The following LGI1 variants were observed in gnomAD, a reference collection of about 807,000 sequenced individuals.
LGI1 encodes the protein leucine rich glioma inactivated 1.
Under a neutral mutation model 57.7 loss-of-function variants are expected in LGI1, and 11 were observed. The observed-to-expected ratio is 0.19, with a 90% CI of 0.12 to 0.32. LGI1 has a LOEUF of 0.32. LGI1 is among the 10% of genes least tolerant of loss of function. The pLI, the probability that LGI1 is intolerant of heterozygous loss-of-function variation, is 1.00. For synonymous variants in LGI1, 222 were observed against 241.9 expected (o/e 0.92, Z 0.76); for missense variants, 422 against 661.9 (o/e 0.64, Z 3.98).
chr10:93,759,545 A>G (rs2059602243), intron 2 of LGI1, among the ~76,000 whole-genome samples: 5 of 152,166 alleles, frequency 3.3e-5, no homozygotes, highest in Admixed American at 2.6e-4. Flanking sequence ...ATTTGTTCTG[A>G]TGTGTAATGT....
At chr10:93,768,583 A>G (rs1394325612) in intron 2 of LGI1, 1 of 152,154 alleles carries the variant, frequency 6.6e-6, no homozygotes, top group Non-Finnish European at 1.5e-5. Flanking sequence ...GCCAATTCCT[A>G]GAAAGGAAGA....
chr10:93,774,410 A>T (rs1002418213), intron 2 of LGI1, among the ~76,000 whole-genome samples: 4 of 152,180 alleles, frequency 2.6e-5, no homozygotes, highest in African/African-American at 9.7e-5. Context: ...CCAGTCTTCA[A>T]AAAACTTATC....
At chr10:93,777,493 G>A (rs376453647) in intron 3 of LGI1, 43 bp downstream of exon 3, 118 of 1,607,272 alleles carry the variant, frequency 7.3e-5, no homozygotes, top group Non-Finnish European at 9.5e-5. Context: ...TTCAGGACAA[G>A]TACTCTCAAG....
rs1044901828 is a variant in LGI1 at position 93,758,222 on chromosome 10, A to T, written c.78A>T (p.Leu26Phe). 1 of 1,614,166 alleles carries T rather than the reference A, an allele frequency of 6.2e-7. No individual in the cohort carries two copies. Among genetic ancestry groups the T allele is most frequent in the Admixed American group, 1.7e-5 (1 of 60,030 alleles). The change falls in exon 1 of 8, where the codon TTA (leucine) becomes TTT (phenylalanine). Residue 26 changes from leucine (L) to phenylalanine (F), a missense_variant. Leu to Phe is a conservative substitution (Grantham distance 22). Around this residue, in one of 3 missense-constraint regions of LGI1, gnomAD observed 58 missense variants for 61.8 expected, o/e 0.94. Transcript: ENST00000371418. This position sits in a 1 kb window ranked among gnomAD's most constrained non-coding sequence, Gnocchi z 4.7. ...GAATTGCTTATTTCCTATGTCTCTT[A>T]TCTGCGCTTTTGCTGACTGAGGGGA... ...LKRIAYFLCL[L>F]SALLLTEGKK... is the part of the protein sequence containing the mutation.
At chr10:93,767,788 A>T (rs943608846) in intron 2 of LGI1, 5 of 152,192 alleles carry the variant, frequency 3.3e-5, no homozygotes, top group Non-Finnish European at 7.3e-5. Flanking sequence ...GGGACCTCCC[A>T]GTAGATCTCC....
chr10:93,796,750 C>T (rs2059983299), intron 7 of LGI1, among the ~76,000 whole-genome samples: 1 of 152,212 alleles, frequency 6.6e-6, no homozygotes. Context: ...ATGACATTAA[C>T]AACTCAATTG....
intron 2 of LGI1, among the ~76,000 whole-genome samples, chr10:93,774,325 G>T (rs181455266): frequency 5.8e-4 from 88 of 152,220 alleles, no homozygotes; most frequent in African/African-American, 2.0e-3. Flanking sequence ...AAAGCTGTCT[G>T]GGTGATTCCA....
intron 2 of LGI1, chr10:93,762,856 A>G (rs1272997394): frequency 6.6e-6 from 1 of 152,200 alleles, no homozygotes; most frequent in Non-Finnish European, 1.5e-5. Context: ...TAACTGCACA[A>G]ACTAGCACTC....
intron 3 of LGI1, 28 bp downstream of exon 3, chr10:93,777,478 G>A (rs373424220): frequency 6.2e-7 from 1 of 1,610,024 alleles, no homozygotes; most frequent in Non-Finnish European, 8.5e-7. Context: ...TTTAAAACAT[G>A]ATGATTCAGG....
At chr10:93,779,482 A>G (rs2059827293) in intron 4 of LGI1, among the ~76,000 whole-genome samples, 1 of 145,280 alleles carries the variant, frequency 6.9e-6, no homozygotes, top group South Asian at 2.3e-4. Context: ...AGGAAAGAGG[A>G]AAGGAGGGAG....
In LGI1 at chr10:93,758,104, C is replaced by A; in HGVS notation, c.-41C>A. On this transcript the variant is annotated 5_prime_UTR_variant, in exon 1 of 8. Coordinates refer to ENST00000371418, the MANE Select transcript of LGI1 (RefSeq NM_005097.4). The surrounding 1 kb of genome is among the most constrained non-coding windows in gnomAD (Gnocchi z 4.7). ...GAGCAAGACAATCACCATCTGAATT[C>A]CAGAAGCCCTGTTCATGGTTGGGGA... 1 of 1,568,224 alleles carries A rather than the reference C, an allele frequency of 6.4e-7. No homozygotes were observed. The highest frequency in any genetic ancestry group is 1.1e-5 in the South Asian group (1 of 89,906).
intron 2 of LGI1, chr10:93,772,584 AAAG>A (rs1372772360): frequency 1.3e-5 from 2 of 152,172 alleles, no homozygotes; most frequent in Non-Finnish European, 2.9e-5. Flanking sequence ...AAGCAAATGA[AAAG>A]AAGGATACAC....
intron 7 of LGI1, 53 bp from the exon 8 acceptor site, chr10:93,796,915 A>C: frequency 7.0e-7 from 1 of 1,421,016 alleles, no homozygotes; most frequent in Non-Finnish European, 9.9e-7. Flanking sequence ...GCATGTTTAC[A>C]TGCTCCAAAA....
Position 93,758,112 on chromosome 10 carries a change from C to T in LGI1, c.-33C>T, listed in dbSNP as rs1444604152. ...CAATCACCATCTGAATTCCAGAAGC[C>T]CTGTTCATGGTTGGGGATATTTTCT... On this transcript the variant is annotated 5_prime_UTR_variant, in exon 1 of 8. Coordinates refer to ENST00000371418, the MANE Select transcript of LGI1 (RefSeq NM_005097.4). This position sits in a 1 kb window ranked among gnomAD's most constrained non-coding sequence, Gnocchi z 4.7. The T allele has an allele frequency of 1.3e-6, 2 of 1,587,332 alleles. No individual in the cohort carries two copies. The highest frequency in any genetic ancestry group is 1.7e-5 in the Admixed American group (1 of 59,842).
chr10:93,777,678 C>T, intron 4 of LGI1, 61 bp downstream of exon 4: 4 of 1,356,592 alleles, frequency 2.9e-6, no homozygotes, highest in Non-Finnish European at 4.2e-6. Flanking sequence ...GTTTGATCAC[C>T]TGTGGTTAAT....
At chr10:93,788,914 T>C (rs975362881) in intron 4 of LGI1, 1 of 22,796 alleles carries the variant, frequency 4.4e-5, no homozygotes. Context: ...TTTATTTTTA[T>C]TGTGGAAAAA....
At chr10:93,770,966 T>C (rs1229985414) in intron 2 of LGI1, 1 of 152,146 alleles carries the variant, frequency 6.6e-6, no homozygotes, top group Non-Finnish European at 1.5e-5. Context: ...AAGTATATTA[T>C]TGAGCACTAA....
rs776167692 is a variant in LGI1 at position 93,797,194 on chromosome 10, T to C, written c.1065T>C (p.Gly355=). The C allele has an allele frequency of 6.2e-7, 1 of 1,614,198 alleles. No homozygotes were observed. The highest frequency in any genetic ancestry group is 8.5e-7 in the Non-Finnish European group (1 of 1,180,036). Residue 355 remains glycine, a synonymous_variant, in exon 8 of 8, where the codon GGT becomes GGC. Coordinates refer to ENST00000371418, the MANE Select transcript of LGI1 (RefSeq NM_005097.4). This position sits in a 1 kb window ranked among gnomAD's most constrained non-coding sequence, Gnocchi z 6.5. The stretch of plus-strand genomic sequence containing the variant: ...TTGTTGCTGACAGTTCAAAAGCTGG[T>C]TTTACTACCATTTACAAATGGAACG... ...YFVVADSSKA[G]FTTIYKWNGN... is the part of the protein sequence containing the mutation.
rs867836979 is a variant in LGI1, at chr10:93,778,002, C to G, written c.431+385C>G. On this transcript the variant is annotated intron_variant, in intron 4 of 7. Coordinates refer to ENST00000371418, the MANE Select transcript of LGI1 (RefSeq NM_005097.4). ...TATACATTTAAACATAATATAGCCA[C>G]AGGCGATGTCTTCATAGTACCTGAT... Among the ~76,000 whole-genome samples the G allele has an allele frequency of 2.0e-5, 3 of 152,268 alleles. No homozygotes were observed. In the South Asian group the frequency reaches 6.2e-4, roughly 32 times the overall value.
Sources: allele counts gnomAD v4.1 joint callset (sites outside exome capture counted in the v4.1 genomes callset), GRCh38; gene constraint gnomAD v4.1.1; regional missense constraint gnomAD v4.1.1; non-coding constraint Gnocchi (gnomAD v3.1); transcripts MANE v1.5; gene names NCBI Gene and HGNC (gene_info 2026-07-23, HGNC 2026-07-21).